PLCD1: variants seen among roughly 807,000 people sequenced by gnomAD.
The protein encoded by PLCD1 is 1-phosphatidylinositol 4,5-bisphosphate phosphodiesterase delta-1.
A neutral mutation model predicts 87.4 loss-of-function variants in PLCD1; 71 were observed. The observed-to-expected ratio is 0.81, with a 90% CI of 0.67 to 0.99. The LOEUF (loss-of-function observed/expected upper bound fraction) is 0.99, where lower values mean the gene tolerates loss of function less well. Ranked by LOEUF, PLCD1 falls within the 50% of genes least tolerant of loss-of-function variation. PLCD1 has a pLI of 0.00. For synonymous variants in PLCD1, 348 were observed against 399.2 expected (o/e 0.87, Z 1.53); for missense variants, 867 against 1,001.5 (o/e 0.87, Z 1.81).
At chr3:38,028,893 GC>G (rs1212561973) in intron 1 of PLCD1, among the ~76,000 whole-genome samples, 1 of 152,392 alleles carries the variant, frequency 6.6e-6, no homozygotes, top group East Asian at 1.9e-4. Flanking sequence ...CTGAGACCTG[GC>G]CCTGTCCCCC....
chr3:38,023,686 TG>T lies in PLCD1; in HGVS notation c.35-3335del, dbSNP rs369919680. Reference sequence around the variant, plus strand: ...ATATAACACACACACCATAATGGAATGACAGAACCACTCAGTCACCCTAGGT... The same window carrying T: ...ATATAACACACACACCATAATGGAATACAGAACCACTCAGTCACCCTAGGT... On this transcript the variant is annotated intron_variant, in intron 1 of 14. Coordinates refer to ENST00000334661, the MANE Select transcript of PLCD1 (RefSeq NM_006225.4). Among the ~76,000 whole-genome samples the T allele has an allele frequency of 3.5e-4, 53 of 152,068 alleles. No individual in the cohort carries two copies. The East Asian group carries it at 7.7e-3, about 22-fold the overall frequency.
chr3:38,009,621 G>C, intron 9 of PLCD1, 32 bp downstream of exon 9: 8 of 1,613,506 alleles, frequency 5.0e-6, no homozygotes, highest in Non-Finnish European at 5.9e-6. Context: ...GGGAAGGCCC[G>C]GGCTGCCCCA....
chr3:38,024,473 G>A (rs201357137), intron 1 of PLCD1: 7 of 1,588,422 alleles, frequency 4.4e-6, no homozygotes, highest in African/African-American at 1.3e-5. Flanking sequence ...AGCCGGGTCC[G>A]GGGCAGTGCC....
chr3:38,021,222 T>C (rs1173881632), intron 1 of PLCD1, among the ~76,000 whole-genome samples: 7 of 152,174 alleles, frequency 4.6e-5, no homozygotes, highest in Non-Finnish European at 8.8e-5. Flanking sequence ...GAGTGCACTG[T>C]AGCCTGTGTT....
At position 38,020,279 on chromosome 3, in the gene PLCD1, C is replaced by G; in HGVS notation, c.108G>C (p.Trp36Cys). The G allele has an allele frequency of 6.2e-7, 1 of 1,614,074 alleles. No individual in the cohort carries two copies. Among genetic ancestry groups the G allele is most frequent in the Non-Finnish European group, 8.5e-7 (1 of 1,179,954 alleles). The stretch of plus-strand genomic sequence containing the variant: ...GCAACTTGTAGAAGCGCTCTCTCCT[C>G]CATGAGCTGGACTTCACCTTCAGGA... ...SQLLKVKSSS[W>C]RRERFYKLQE... is the part of the protein sequence containing the mutation. The change falls in exon 2 of 15, where the codon TGG becomes TGC. Residue 36 changes from tryptophan to cysteine, a missense_variant. Trp to Cys is a radical substitution (Grantham distance 215). Coordinates refer to ENST00000334661, the MANE Select transcript of PLCD1 (RefSeq NM_006225.4).
rs1277098356 is a variant in PLCD1, at chr3:38,020,085, G to T, written c.199+103C>A. The T allele has an allele frequency of 8.2e-6, 9 of 1,091,196 alleles. No homozygotes were observed. In the Admixed American group the frequency reaches 1.4e-4, roughly 16 times the overall value. 67.6% of individuals were successfully genotyped at this position (1,091,196 alleles called of 1,614,324 possible). A position where few individuals can be genotyped will look rare whatever the true frequency, so the allele number is the denominator to read the frequency against. ...CTATGCCCCACCAGGCCAGGCCTCA[G>T]TTTCCCCATCTGTGGTTTTGATCCA... On this transcript the variant is annotated intron_variant, in intron 2 of 14. Transcript: ENST00000334661.
In PLCD1 at chr3:38,009,969, T is replaced by C; in HGVS notation, c.1222A>G (p.Ile408Val). 1 of 1,613,918 alleles carries C rather than the reference T, an allele frequency of 6.2e-7. No individual in the cohort carries two copies. Among genetic ancestry groups the C allele is most frequent in the Non-Finnish European group, 8.5e-7 (1 of 1,179,834 alleles). ...CGGTTCAACAGCATGGGGCCCAGGA[T>C]GGCATGCAGGTGCCGCGCCATCACG... Reference protein sequence around the residue: ...QRVMARHLHAILGPMLLNRPL... With the variant: ...QRVMARHLHAVLGPMLLNRPL... The change falls in exon 8 of 15, where the codon ATC (isoleucine) becomes GTC (valine). Residue 408 changes from isoleucine (I) to valine (V), a missense_variant. By Grantham distance (29) the Ile-to-Val change is conservative. Transcript: ENST00000334661.
chr3:38,012,610 G>A (rs1295720392), intron 3 of PLCD1, among the ~76,000 whole-genome samples: 1 of 149,160 alleles, frequency 6.7e-6, no homozygotes, highest in Non-Finnish European at 1.5e-5. Flanking sequence ...TCTGCCCTCT[G>A]GATTCAAGCA....
At chr3:38,028,030 G>C (rs1291576641) in intron 1 of PLCD1, among the ~76,000 whole-genome samples, 1 of 152,174 alleles carries the variant, frequency 6.6e-6, no homozygotes, top group African/African-American at 2.4e-5. Flanking sequence ...GGTCCTGACT[G>C]AGCCTCCATG....
chr3:38,009,722 C>T lies in PLCD1; in HGVS notation c.1377G>A (p.Val459=). 12 of 1,614,178 alleles carry T rather than the reference C, an allele frequency of 7.4e-6. No individual in the cohort carries two copies. The highest frequency in any genetic ancestry group is 1.0e-5 in the Non-Finnish European group (12 of 1,180,018). Residue 459 remains valine, a synonymous_variant, in exon 9 of 15, where the codon GTG becomes GTA. Coordinates refer to ENST00000334661, the MANE Select transcript of PLCD1 (RefSeq NM_006225.4). ...TCTCAGCAGCCTCGTCTTCGTCTGA[C>T]ACCACAGTGGCCTCAGGGCCACCCT... The part of the protein sequence containing the change: ...GGEGGPEATV[V]SDEDEAAEME...
rs1700188468 is a variant in PLCD1, at chr3:38,018,445, C to A, written c.200-1726G>T. Reference sequence around the variant, plus strand: ...ATGCCTGTTCCTCCTCCTCACCCTGCACCTTGGCTCACACTGGGCCTCCTG... The same window carrying A: ...ATGCCTGTTCCTCCTCCTCACCCTGAACCTTGGCTCACACTGGGCCTCCTG... On this transcript the variant is annotated intron_variant, in intron 2 of 14. Coordinates refer to ENST00000334661, the MANE Select transcript of PLCD1 (RefSeq NM_006225.4). The surrounding 1 kb of genome is among the most constrained non-coding windows in gnomAD (Gnocchi z 5.7). Among the ~76,000 whole-genome samples, 1 of 152,140 alleles carries A rather than the reference C, an allele frequency of 6.6e-6. No individual in the cohort carries two copies. The highest frequency in any genetic ancestry group is 2.1e-4 in the South Asian group (1 of 4,824).
rs886768298 is a variant in PLCD1, at chr3:38,011,453, G to A, written c.559-8C>T. 2 of 1,613,500 alleles carry A rather than the reference G, an allele frequency of 1.2e-6. No individual in the cohort carries two copies. Among genetic ancestry groups the A allele is most frequent in the Non-Finnish European group, 1.7e-6 (2 of 1,179,384 alleles). On this transcript the variant is annotated splice_polypyrimidine_tract_variant and splice_region_variant and intron_variant, in intron 4 of 14. Coordinates refer to ENST00000334661, the MANE Select transcript of PLCD1 (RefSeq NM_006225.4). The stretch of plus-strand genomic sequence containing the variant: ...CTGGGAGTGGTCACACTCCTGCAGA[G>A]CCAGGACAGCCGAGTGGGCTCAGAG...
chr3:38,017,623 T>C lies in PLCD1; in HGVS notation c.200-904A>G, dbSNP rs1003246124. ...GAGCCAGTTCTTCCAGTCAGGCTCA[T>C]GCTGTGCCTCCCAGCAGCAGGATCC... On this transcript the variant is annotated intron_variant, in intron 2 of 14. Transcript: ENST00000334661. This position sits in a 1 kb window ranked among gnomAD's most constrained non-coding sequence, Gnocchi z 4.7. 6.6e-6 allele frequency among the ~76,000 whole-genome samples: 1 copy of C among 152,164 alleles called. No homozygotes were observed. Among genetic ancestry groups the C allele is most frequent in the Admixed American group, 6.5e-5 (1 of 15,290 alleles).
intron 1 of PLCD1, among the ~76,000 whole-genome samples, chr3:38,021,923 A>G (rs973828601): frequency 6.6e-6 from 1 of 152,086 alleles, no homozygotes; most frequent in Non-Finnish European, 1.5e-5. Context: ...TTCAGGGCTC[A>G]CAGAACCCTC....
At position 38,010,015 on chromosome 3, in the gene PLCD1, GT is replaced by G. The variant is rs1305135749; in HGVS notation, c.1175del (p.His392ProfsTer9). 1.2e-6 allele frequency: 2 copies of G among 1,614,194 alleles called. No homozygotes were observed. On this transcript the variant is annotated frameshift_variant, in exon 8 of 15. Coordinates refer to ENST00000334661, the MANE Select transcript of PLCD1 (RefSeq NM_006225.4). LOFTEE classifies it high-confidence loss of function. ...PYPVILSLEN[H>X]CTLEQQRVMA... ...TCACGCGCTGCTGCTCCAGTGTGCA[GT>G]GGTTCTCCAGGGATAGGATGACAGG...
Position 38,008,275 on chromosome 3 carries a change from C to T in PLCD1, c.1995G>A (p.Arg665=). 1 of 1,614,194 alleles carries T rather than the reference C, an allele frequency of 6.2e-7. No individual in the cohort carries two copies. Among genetic ancestry groups the T allele is most frequent in the Non-Finnish European group, 8.5e-7 (1 of 1,180,032 alleles). The change falls in exon 13 of 15, where the codon CGG becomes CGA. Residue 665 remains arginine (R), a synonymous_variant. Coordinates refer to ENST00000334661, the MANE Select transcript of PLCD1 (RefSeq NM_006225.4). The part of the protein sequence containing the change: ...KVTVEIHGVS[R]DVASRQTAVI... ...CAGCAGTCTGGCGGCTGGCCACGTC[C>T]CGGCTCACGCCATGGATCTCCACTG...
At chr3:38,028,927 A>C (rs572844934) in intron 1 of PLCD1, among the ~76,000 whole-genome samples, 1 of 152,360 alleles carries the variant, frequency 6.6e-6, no homozygotes, top group East Asian at 1.9e-4. Context: ...AGATGAGGGG[A>C]TCGTGCTGCT....
intron 1 of PLCD1, among the ~76,000 whole-genome samples, chr3:38,023,809 G>A (rs1319965185): frequency 6.6e-6 from 1 of 151,354 alleles, no homozygotes; most frequent in Non-Finnish European, 1.5e-5. Context: ...CCACCTCAGT[G>A]CCACAATGTC....
At chr3:38,015,927 ATGCTGG>A (rs1219592079) in intron 3 of PLCD1, among the ~76,000 whole-genome samples, 6 of 152,092 alleles carry the variant, frequency 3.9e-5, no homozygotes, top group Non-Finnish European at 7.4e-5. Context: ...CCCCAACTCC[ATGCTGG>A]TGACAGACGG....
Sources: allele counts gnomAD v4.1 joint callset (sites outside exome capture counted in the v4.1 genomes callset), GRCh38; gene constraint gnomAD v4.1.1; non-coding constraint Gnocchi (gnomAD v3.1); transcripts MANE v1.5; gene names NCBI Gene and HGNC (gene_info 2026-07-23, HGNC 2026-07-21).